The following IHH variants were observed in gnomAD, a reference collection of about 807,000 sequenced individuals.
The protein encoded by IHH is indian hedgehog protein.
In IHH, 9 loss-of-function variants were observed where a neutral mutation model predicts 29.4. That is an observed-to-expected ratio of 0.31 (90% CI 0.18 to 0.53). The LOEUF (loss-of-function observed/expected upper bound fraction) is 0.53, where lower values mean the gene tolerates loss of function less well. IHH is among the 20% of genes least tolerant of loss of function. The pLI is 0.95. For missense variants in IHH, 454 were observed against 578.1 expected (o/e 0.79, Z 2.20); for synonymous variants, 254 against 252.7 (o/e 1.01, Z -0.05).
chr2:219,060,311 T>C lies in IHH; in HGVS notation c.157A>G (p.Ser53Gly), dbSNP rs1342556433. Residue 53 changes from serine (S) to glycine (G), a missense_variant, in exon 1 of 3, where the codon AGC (serine) becomes GGC (glycine). Around this residue, in one of 3 missense-constraint regions of IHH, gnomAD observed 113 missense variants for 122.1 expected, o/e 0.93. Transcript: ENST00000295731. The surrounding 1 kb of genome is among the most constrained non-coding windows in gnomAD (Gnocchi z 8.8). ...AGGGTCTTCTCGGGCACATTGGGGC[T>C]GAACTGCTTGTAGGCGAGCGGCACG... is the stretch of plus-strand genomic sequence containing the variant. ...KLVPLAYKQF[S>G]PNVPEKTLGA... 1 of 1,612,652 alleles carries C rather than the reference T, an allele frequency of 6.2e-7. No individual in the cohort carries two copies. The highest frequency in any genetic ancestry group is 1.7e-5 in the Admixed American group (1 of 60,022).
Position 219,055,074 on chromosome 2 carries a change from G to T in IHH, c.*133C>A. 1.1e-6 allele frequency: 1 copy of T among 938,810 alleles called. No individual in the cohort carries two copies. The highest frequency in any genetic ancestry group is 1.6e-6 in the Non-Finnish European group (1 of 618,028). 58.2% of individuals were successfully genotyped at this position (938,810 alleles called of 1,614,324 possible). A position where few individuals can be genotyped will look rare whatever the true frequency, so the allele number is the denominator to read the frequency against. ...TGTTGCCCAGTCAAGTCTCAATGGTGTATCTTCATGGCAGAGGAGATGGCA... is the reference window on the plus strand; with the variant it reads ...TGTTGCCCAGTCAAGTCTCAATGGTTTATCTTCATGGCAGAGGAGATGGCA... On this transcript the variant is annotated 3_prime_UTR_variant, in exon 3 of 3. Coordinates refer to ENST00000295731, the MANE Select transcript of IHH (RefSeq NM_002181.4).
rs1948862682 is a variant in IHH at position 219,059,522 on chromosome 2, T to G, written c.315+631A>C. 6.6e-6 allele frequency among the ~76,000 whole-genome samples: 1 copy of G among 151,990 alleles called. No homozygotes were observed. The highest frequency in any genetic ancestry group is 2.1e-4 in the South Asian group (1 of 4,816). Reference sequence around the variant, plus strand: ...GCCCGAAGGCCCCAATAACCCACCCTTCCACCGCAGTAGCACCCCTCAGCT... The same window carrying G: ...GCCCGAAGGCCCCAATAACCCACCCGTCCACCGCAGTAGCACCCCTCAGCT... On this transcript the variant is annotated intron_variant, in intron 1 of 2. Coordinates refer to ENST00000295731, the MANE Select transcript of IHH (RefSeq NM_002181.4). The surrounding 1 kb of genome is among the most constrained non-coding windows in gnomAD (Gnocchi z 4.7).
At position 219,054,892 on chromosome 2, in the gene IHH, G is replaced by T. The variant is rs750561153; in HGVS notation, c.*315C>A. The T allele has an allele frequency of 8.0e-5, 31 of 389,690 alleles. No homozygotes were observed. The highest frequency in any genetic ancestry group is 9.4e-5 in the Non-Finnish European group (20 of 211,776). 24.1% of individuals were successfully genotyped at this position (389,690 alleles called of 1,614,324 possible). The stretch of plus-strand genomic sequence containing the variant: ...GGATGGAATGGGCCCTCCCCAATGG[G>T]GGAGGCAGAGTATGAAAACTCGTAG... On this transcript the variant is annotated 3_prime_UTR_variant, in exon 3 of 3. Transcript: ENST00000295731.
Position 219,057,414 on chromosome 2 carries a change from C to T in IHH, c.577+19G>A, listed in dbSNP as rs1308695166. The T allele has an allele frequency of 1.9e-6, 3 of 1,554,696 alleles. No homozygotes were observed. The highest frequency in any genetic ancestry group is 2.7e-5 in the African/African-American group (2 of 73,316). ...CCTGCGGCCCCGGCCCCGGGCCCAGCCCCCCGGCGGCGGCTCACCGGACTT... is the reference window on the plus strand; with the variant it reads ...CCTGCGGCCCCGGCCCCGGGCCCAGTCCCCCGGCGGCGGCTCACCGGACTT... On this transcript the variant is annotated intron_variant, in intron 2 of 2. Transcript: ENST00000295731.
chr2:219,055,769 G>A lies in IHH; in HGVS notation c.674C>T (p.Pro225Leu), dbSNP rs572724795. ...GARVALSAVR[P>L]GDRVLAMGED... ...CCCCATGGCCAGCACACGGTCTCCC[G>A]GCCTCACGGCTGACAAGGCCACACG... The change falls in exon 3 of 3, where the codon CCG becomes CTG. Residue 225 changes from proline (P) to leucine (L), a missense_variant. By Grantham distance (98) the Pro-to-Leu change is moderately conservative. Coordinates refer to ENST00000295731, the MANE Select transcript of IHH (RefSeq NM_002181.4). 1.8e-5 allele frequency: 29 copies of A among 1,613,564 alleles called. 1 individual carries two copies. Among genetic ancestry groups the A allele is most frequent in the South Asian group, 9.9e-5 (9 of 91,088 alleles).
At chr2:219,055,995 C>T (rs1948827605) in intron 2 of IHH, 130 bp from the exon 3 acceptor site, 2 of 936,432 alleles carry the variant, frequency 2.1e-6, no homozygotes, top group African/African-American at 3.2e-5. Context: ...CACCATATCC[C>T]AGCTCCTGCC....
At chr2:219,057,799 C>T in intron 1 of IHH, 105 bp from the exon 2 acceptor site, 2 of 1,484,166 alleles carry the variant, frequency 1.3e-6, no homozygotes, top group African/African-American at 1.4e-5. Flanking sequence ...CCCGCCACAC[C>T]CAAGGGAGCT....
At position 219,056,657 on chromosome 2, in the gene IHH, G is replaced by A. The variant is rs888172880; in HGVS notation, c.577+776C>T. The stretch of plus-strand genomic sequence containing the variant: ...AAATGTGGGCCTGGGCTCAGTGTGC[G>A]GGTCTATGAGAGTGCAACTATTACA... On this transcript the variant is annotated intron_variant, in intron 2 of 2. Transcript: ENST00000295731. 3.3e-5 allele frequency among the ~76,000 whole-genome samples: 5 copies of A among 152,174 alleles called. 1 individual carries two copies. The highest frequency in any genetic ancestry group is 9.7e-5 in the African/African-American group (4 of 41,434).
chr2:219,060,173 C>A lies in IHH; in HGVS notation c.295G>T (p.Ala99Ser), dbSNP rs565981937. 2.5e-6 allele frequency: 4 copies of A among 1,610,858 alleles called. No individual in the cohort carries two copies. In the South Asian group the frequency reaches 4.4e-5, roughly 18 times the overall value. Reference sequence around the variant, plus strand: ...CTCACCTGGGTCATGAGGCGGTCGGCGCCTGTGTTCTCCTCGTCCTTGAAG... The same window carrying A: ...CTCACCTGGGTCATGAGGCGGTCGGAGCCTGTGTTCTCCTCGTCCTTGAAG... ...IIFKDEENTG[A>S]DRLMTQRCKD... The change falls in exon 1 of 3, where the codon GCC (alanine) becomes TCC (serine). Residue 99 changes from alanine (A) to serine (S), a missense_variant. Physicochemically the swap from Ala to Ser is moderately conservative, Grantham distance 99. Transcript: ENST00000295731. The surrounding 1 kb of genome is among the most constrained non-coding windows in gnomAD (Gnocchi z 8.8).
intron 1 of IHH, 40 bp from the exon 2 acceptor site, chr2:219,057,734 CAGCCGG>C: frequency 1.3e-6 from 2 of 1,599,598 alleles, no homozygotes; most frequent in Non-Finnish European, 1.7e-6. Flanking sequence ...AGAGCGAAAT[CAGCCGG>C]AGGAGCCGGC....
chr2:219,057,314 C>A (rs1226087090), intron 2 of IHH, 119 bp downstream of exon 2: 9 of 1,193,832 alleles, frequency 7.5e-6, no homozygotes, highest in African/African-American at 4.6e-5. Flanking sequence ...CCGCTGATGT[C>A]CTCTTCCCCC....
rs1292052673 is a variant in IHH at position 219,060,011 on chromosome 2, G to A, written c.315+142C>T. ...TGGACCCCTGGCCAGCCCATCTTGGGCAGGAGGCAGCGGGGCTTGGCGAGA... is the reference window on the plus strand; with the variant it reads ...TGGACCCCTGGCCAGCCCATCTTGGACAGGAGGCAGCGGGGCTTGGCGAGA... On this transcript the variant is annotated intron_variant, in intron 1 of 2. Coordinates refer to ENST00000295731, the MANE Select transcript of IHH (RefSeq NM_002181.4). The surrounding 1 kb of genome is among the most constrained non-coding windows in gnomAD (Gnocchi z 8.8). The A allele has an allele frequency of 2.7e-6, 2 of 733,500 alleles. No homozygotes were observed. The highest frequency in any genetic ancestry group is 2.7e-5 in the East Asian group (1 of 37,556). 45.4% of individuals were successfully genotyped at this position (733,500 alleles called of 1,614,324 possible).
rs1948823917 is a variant in IHH, at chr2:219,055,655, T to A, written c.788A>T (p.Gln263Leu). 5 of 1,613,914 alleles carry A rather than the reference T, an allele frequency of 3.1e-6. No individual in the cohort carries two copies. The highest frequency in any genetic ancestry group is 4.2e-6 in the Non-Finnish European group (5 of 1,179,952). The change falls in exon 3 of 3, where the codon CAG becomes CTG. Residue 263 changes from glutamine to leucine, a missense_variant. Gln to Leu is a moderately radical substitution (Grantham distance 113, BLOSUM62 -2). Transcript: ENST00000295731. ...RLRAFQVIET[Q>L]DPPRRLALTP... The stretch of plus-strand genomic sequence containing the variant: ...GAGTGCCAGGCGGCGTGGGGGGTCC[T>A]GAGTCTCGATGACCTGGAAGGCTCT...
chr2:219,059,364 C>T lies in IHH; in HGVS notation c.315+789G>A, dbSNP rs1948861404. ...TTTGCGCCTCTAAGCTTGGGTGGAG[C>T]GCGGGTCCTACTCCAGCATGCAGAG... On this transcript the variant is annotated intron_variant, in intron 1 of 2. Transcript: ENST00000295731. The surrounding 1 kb of genome is among the most constrained non-coding windows in gnomAD (Gnocchi z 4.7). Among the ~76,000 whole-genome samples the T allele has an allele frequency of 1.3e-5, 2 of 152,182 alleles. No individual in the cohort carries two copies. The highest frequency in any genetic ancestry group is 4.8e-5 in the African/African-American group (2 of 41,450).
At position 219,055,225 on chromosome 2, in the gene IHH, C is replaced by T. The variant is rs1241509400; in HGVS notation, c.1218G>A (p.Met406Ile). ...LEEGSFHPLG[M>I]SGAGS ...AGTCCTTTCAGCTCCCTGCCCCGGA[C>T]ATGCCCAGTGGGTGGAAGCTGCCCT... is the stretch of plus-strand genomic sequence containing the variant. Residue 406 changes from methionine (M) to isoleucine (I), a missense_variant, in exon 3 of 3, where the codon ATG (methionine) becomes ATA (isoleucine). Physicochemically the swap from Met to Ile is conservative, Grantham distance 10 (BLOSUM62 1). Around this residue, in one of 3 missense-constraint regions of IHH, gnomAD observed 271 missense variants for 315.9 expected, o/e 0.86. Coordinates refer to ENST00000295731, the MANE Select transcript of IHH (RefSeq NM_002181.4). The T allele has an allele frequency of 8.8e-6, 14 of 1,586,864 alleles. No homozygotes were observed. The highest frequency in any genetic ancestry group is 8.6e-7 in the Non-Finnish European group (1 of 1,167,402).
Position 219,060,206 on chromosome 2 carries a change from C to G in IHH, c.262G>C (p.Asp88His). Residue 88 changes from aspartate to histidine, a missense_variant, in exon 1 of 3, where the codon GAC becomes CAC. Coordinates refer to ENST00000295731, the MANE Select transcript of IHH (RefSeq NM_002181.4). The surrounding 1 kb of genome is among the most constrained non-coding windows in gnomAD (Gnocchi z 8.8). ...FKELTPNYNP[D>H]IIFKDEENTG... ...TTCTCCTCGTCCTTGAAGATGATGT[C>G]TGGATTGTAATTGGGGGTGAGCTCC... 1.2e-6 allele frequency: 2 copies of G among 1,613,252 alleles called. No individual in the cohort carries two copies. The highest frequency in any genetic ancestry group is 1.7e-6 in the Non-Finnish European group (2 of 1,179,750).
rs768570919 is a variant in IHH, at chr2:219,055,734, T to C, written c.709A>G (p.Ser237Gly). ...DRVLAMGEDG[S>G]PTFSDVLIFL... Reference sequence around the variant, plus strand: ...ATGAGCACATCGCTGAAGGTGGGGCTCCCATCCTCCCCCATGGCCAGCACA... The same window carrying C: ...ATGAGCACATCGCTGAAGGTGGGGCCCCCATCCTCCCCCATGGCCAGCACA... Residue 237 changes from serine (S) to glycine (G), a missense_variant, in exon 3 of 3, where the codon AGC becomes GGC. Physicochemically the swap from Ser to Gly is moderately conservative, Grantham distance 56. Around this residue, in one of 3 missense-constraint regions of IHH, gnomAD observed 271 missense variants for 315.9 expected, o/e 0.86. Transcript: ENST00000295731. 1 of 1,613,646 alleles carries C rather than the reference T, an allele frequency of 6.2e-7. No homozygotes were observed. Among genetic ancestry groups the C allele is most frequent in the Non-Finnish European group, 8.5e-7 (1 of 1,179,932 alleles).
chr2:219,055,731 G>C lies in IHH; in HGVS notation c.712C>G (p.Pro238Ala). 2 of 1,613,864 alleles carry C rather than the reference G, an allele frequency of 1.2e-6. No individual in the cohort carries two copies. The highest frequency in any genetic ancestry group is 8.5e-7 in the Non-Finnish European group (1 of 1,179,982). ...RVLAMGEDGS[P>A]TFSDVLIFLD... ...AAAATGAGCACATCGCTGAAGGTGG[G>C]GCTCCCATCCTCCCCCATGGCCAGC... The change falls in exon 3 of 3, where the codon CCC (proline) becomes GCC (alanine). Residue 238 changes from proline to alanine, a missense_variant. Transcript: ENST00000295731.
chr2:219,055,855 G>T lies in IHH; in HGVS notation c.588C>A (p.Ala196=), dbSNP rs770515682. The T allele has an allele frequency of 6.2e-6, 10 of 1,607,474 alleles. No individual in the cohort carries two copies. In the East Asian group the frequency reaches 2.2e-4, roughly 36 times the overall value. ...GGAAGCAGCCGCCCGTCTTGGCTGCGGCCGAGTGCTCTGTGGGAGAAAGGG... is the reference window on the plus strand; with the variant it reads ...GGAAGCAGCCGCCCGTCTTGGCTGCTGCCGAGTGCTCTGTGGGAGAAAGGG... ...VHCSVKSEHS[A]AAKTGGCFPA... is the part of the protein sequence containing the mutation. The change falls in exon 3 of 3, where the codon GCC becomes GCA. Residue 196 remains alanine (A), a synonymous_variant. Transcript: ENST00000295731.
Sources: allele counts gnomAD v4.1 joint callset (sites outside exome capture counted in the v4.1 genomes callset), GRCh38; gene constraint gnomAD v4.1.1; regional missense constraint gnomAD v4.1.1; non-coding constraint Gnocchi (gnomAD v3.1); transcripts MANE v1.5; gene names NCBI Gene and HGNC (gene_info 2026-07-23, HGNC 2026-07-21).